AGTR1: variants seen among roughly 807,000 people sequenced by gnomAD.
AGTR1 encodes the protein type-1 angiotensin II receptor.
A neutral mutation model predicts 19.4 loss-of-function variants in AGTR1; 16 were observed. That is an observed-to-expected ratio of 0.82 (90% CI 0.56 to 1.25). AGTR1 has a LOEUF of 1.25. Ranked by LOEUF, AGTR1 falls within the 50% of genes most tolerant of loss-of-function variation. The pLI is 0.00. For synonymous variants in AGTR1, 153 were observed against 154.9 expected (o/e 0.99, Z 0.09); for missense variants, 373 against 431.9 (o/e 0.86, Z 1.21).
chr3:148,722,587 C>T (rs12721235), intron 2 of AGTR1, among the ~76,000 whole-genome samples: 3 of 152,254 alleles, frequency 2.0e-5, no homozygotes, highest in Middle Eastern at 3.4e-3. Flanking sequence ...TCTCATCTCA[C>T]TCTGGTCCCT....
chr3:148,724,678 A>G (rs1713831022), intron 2 of AGTR1, among the ~76,000 whole-genome samples: 1 of 152,146 alleles, frequency 6.6e-6, no homozygotes, highest in African/African-American at 2.4e-5. Flanking sequence ...ACCTAAATCA[A>G]AAGTCCGTAA....
intron 2 of AGTR1, among the ~76,000 whole-genome samples, chr3:148,714,534 G>A (rs1040378319): frequency 1.3e-5 from 2 of 152,114 alleles, no homozygotes; most frequent in Non-Finnish European, 2.9e-5. Flanking sequence ...ATCAAGTATT[G>A]AAGAGTATGA....
chr3:148,739,033 G>A (rs1052401700), intron 2 of AGTR1, among the ~76,000 whole-genome samples: 5 of 152,160 alleles, frequency 3.3e-5, no homozygotes, highest in Admixed American at 6.5e-5. Context: ...ACAGACCAGT[G>A]GAGAAGACAG....
rs1165750203 is a variant in AGTR1 at position 148,741,067 on chromosome 3, T to C, written c.32T>C (p.Ile11Thr). ...CTCAACTCTTCTACTGAAGATGGTA[T>C]TAAAAGAATCCAAGATGATTGTCCC... MILNSSTEDG[I>T]KRIQDDCPKA... The change falls in exon 3 of 3, where the codon ATT becomes ACT. Residue 11 changes from isoleucine to threonine, a missense_variant. Physicochemically the swap from Ile to Thr is moderately conservative, Grantham distance 89 (BLOSUM62 -1). Transcript: ENST00000349243. 6.2e-6 allele frequency: 10 copies of C among 1,613,800 alleles called. No homozygotes were observed. The highest frequency in any genetic ancestry group is 8.5e-6 in the Non-Finnish European group (10 of 1,179,820).
intron 2 of AGTR1, among the ~76,000 whole-genome samples, chr3:148,732,291 T>C (rs780821713): frequency 1.1e-4 from 16 of 152,228 alleles, no homozygotes; most frequent in Admixed American, 2.0e-4. Flanking sequence ...TGGCCATAAA[T>C]GGAATGAAAC....
chr3:148,700,940 T>G (rs1474732746), intron 1 of AGTR1, among the ~76,000 whole-genome samples: 1 of 152,230 alleles, frequency 6.6e-6, no homozygotes, highest in African/African-American at 2.4e-5. Context: ...AGCAGTATAC[T>G]CAATCTCTGA....
chr3:148,734,787 C>A lies in AGTR1; in HGVS notation c.-47-6202C>A, dbSNP rs530450931. Among the ~76,000 whole-genome samples, 3 of 152,274 alleles carry A rather than the reference C, an allele frequency of 2.0e-5. No individual in the cohort carries two copies. In the South Asian group the frequency reaches 6.2e-4, roughly 32 times the overall value. On this transcript the variant is annotated intron_variant, in intron 2 of 2. Coordinates refer to ENST00000349243, the MANE Select transcript of AGTR1 (RefSeq NM_000685.5). ...AGGTGGTCTGCCATGCTTCCCTCTTCGTGGCTGCCAGGATTCCCGGTATAG... is the reference window on the plus strand; with the variant it reads ...AGGTGGTCTGCCATGCTTCCCTCTTAGTGGCTGCCAGGATTCCCGGTATAG...
In AGTR1 at chr3:148,739,360, GAA is replaced by G. The variant is rs869112085; in HGVS notation, c.-47-1615_-47-1614del. On this transcript the variant is annotated intron_variant, in intron 2 of 2. Transcript: ENST00000349243. ...GGCAATACAGTGACACTCTGTCTCA[GAA>G]AAAAAAAAAAAAAGTGTCAAACCTA... Among the ~76,000 whole-genome samples the G allele has an allele frequency of 8.7e-5, 10 of 114,856 alleles. 1 individual carries two copies. Among genetic ancestry groups the G allele is most frequent in the African/African-American group, 2.6e-4 (9 of 34,190 alleles). 75.3% of individuals were successfully genotyped at this position (114,856 alleles called of 152,430 possible). A position where few individuals can be genotyped will look rare whatever the true frequency, so the allele number is the denominator to read the frequency against.
At chr3:148,709,727 A>G (rs1278685382) in intron 2 of AGTR1, among the ~76,000 whole-genome samples, 1 of 152,120 alleles carries the variant, frequency 6.6e-6, no homozygotes, top group East Asian at 1.9e-4. Flanking sequence ...TGAACTTTGC[A>G]ATCTCCCTTT....
At chr3:148,731,174 C>G (rs1461742143) in intron 2 of AGTR1, 1 of 152,068 alleles carries the variant, frequency 6.6e-6, no homozygotes, top group Non-Finnish European at 1.5e-5. Flanking sequence ...GTCTCACTTT[C>G]TATTTCTTTT....
chr3:148,722,628 T>C (rs770503977), intron 2 of AGTR1, among the ~76,000 whole-genome samples: 2 of 152,224 alleles, frequency 1.3e-5, no homozygotes, highest in Middle Eastern at 6.8e-3. Context: ...ACTCCCTTCA[T>C]GCACTGATAC....
chr3:148,728,869 C>T (rs1212949065), intron 2 of AGTR1, among the ~76,000 whole-genome samples: 1 of 152,188 alleles, frequency 6.6e-6, no homozygotes, highest in East Asian at 1.9e-4. Context: ...TTTATAAAAA[C>T]TAGAGAGTGT....
intron 1 of AGTR1, among the ~76,000 whole-genome samples, chr3:148,706,364 G>C (rs2107928999): frequency 6.6e-6 from 1 of 152,078 alleles, no homozygotes; most frequent in Admixed American, 6.5e-5. Flanking sequence ...CAGTGCTAAA[G>C]TTGGTATGCC....
chr3:148,729,312 G>A lies in AGTR1; in HGVS notation c.-47-11677G>A, dbSNP rs951615188. On this transcript the variant is annotated intron_variant, in intron 2 of 2. Coordinates refer to ENST00000349243, the MANE Select transcript of AGTR1 (RefSeq NM_000685.5). ...AAGGAGTTACTGCTATTTGAGTAAT[G>A]TGCCACTTCCCTACATAGCCTTCTA... Among the ~76,000 whole-genome samples, 5 of 152,170 alleles carry A rather than the reference G, an allele frequency of 3.3e-5. No individual in the cohort carries two copies. The South Asian group carries it at 8.3e-4, about 25-fold the overall frequency.
intron 2 of AGTR1, among the ~76,000 whole-genome samples, chr3:148,724,783 A>T (rs1409845391): frequency 6.6e-6 from 1 of 152,226 alleles, no homozygotes; most frequent in Non-Finnish European, 1.5e-5. Flanking sequence ...CTCTAAGCTG[A>T]TCATTGACTT....
intron 2 of AGTR1, among the ~76,000 whole-genome samples, chr3:148,726,255 C>G (rs1713926646): frequency 6.6e-6 from 1 of 151,622 alleles, no homozygotes; most frequent in African/African-American, 2.4e-5. Flanking sequence ...GTTGCCCAGG[C>G]TGGAGTGCAA....
intron 2 of AGTR1, among the ~76,000 whole-genome samples, chr3:148,722,323 G>T (rs1713693398): frequency 6.6e-6 from 1 of 152,138 alleles, no homozygotes; most frequent in African/African-American, 2.4e-5. Flanking sequence ...ATTAAATGAA[G>T]ACATGGGAGA....
At chr3:148,722,859 G>A (rs12695891) in intron 2 of AGTR1, among the ~76,000 whole-genome samples, 1,754 of 152,230 alleles carry the variant, frequency 0.012, 39 homozygotes, top group African/African-American at 0.04. Flanking sequence ...ATCTCCCAAC[G>A]CTTCACATCC....
intron 2 of AGTR1, among the ~76,000 whole-genome samples, chr3:148,734,139 G>A (rs556618603): frequency 7.0e-4 from 106 of 152,292 alleles, no homozygotes; most frequent in African/African-American, 2.4e-3. Context: ...AGAGTTGAGA[G>A]AAGTTTAATT....
Sources: gnomAD v4.1 joint callset for allele counts (sites outside exome capture counted in the v4.1 genomes callset) on GRCh38, gnomAD v4.1.1 for gene constraint, MANE v1.5 for transcripts, NCBI Gene and HGNC (gene_info 2026-07-23, HGNC 2026-07-21) for gene names.